PRSS48: variants seen among roughly 807,000 people sequenced by gnomAD.
PRSS48 encodes the protein epidermis-specific serine protease-like protein.
Under a neutral mutation model 25.6 loss-of-function variants are expected in PRSS48, and 21 were observed. The ratio of observed to expected loss-of-function variants is 0.82; its 90% confidence interval spans 0.58 to 1.18. PRSS48 has a LOEUF of 1.18. Ranked by LOEUF, PRSS48 falls within the 50% of genes most tolerant of loss-of-function variation. PRSS48 has a pLI of 0.00. For missense variants in PRSS48, 373 were observed against 399.3 expected (o/e 0.93, Z 0.56); for synonymous variants, 150 against 149.3 (o/e 1.00, Z -0.04).
chr4:151,283,098 T>C lies in PRSS48; in HGVS notation c.482-19T>C. On this transcript the variant is annotated intron_variant, in intron 3 of 4. Transcript: ENST00000455694. ...TTTTCTAGGTTGCTTTAATCTTTTG[T>C]TCCTGTCTTCCTCCACAGATAGAGA... The C allele has an allele frequency of 6.2e-7, 1 of 1,612,280 alleles. No individual in the cohort carries two copies. The highest frequency in any genetic ancestry group is 8.5e-7 in the Non-Finnish European group (1 of 1,178,760).
chr4:151,289,456 G>A (rs931161118), intron 4 of PRSS48, among the ~76,000 whole-genome samples: 5 of 152,130 alleles, frequency 3.3e-5, no homozygotes, highest in Admixed American at 1.3e-4. Flanking sequence ...TGAAACGGAA[G>A]AAAATATTTG....
At chr4:151,282,387 G>A in exon 3 of PRSS48, 1 of 1,613,878 alleles carries the variant, frequency 6.2e-7, no homozygotes, top group Non-Finnish European at 8.5e-7. Context: ...TGGGTGACCG[G>A]ATGGGGAAAA....
At chr4:151,282,053 C>T in intron 2 of PRSS48, 95 bp from the exon 3 acceptor site, 25 of 1,298,926 alleles carry the variant, frequency 1.9e-5, no homozygotes, top group Non-Finnish European at 2.6e-5. Context: ...AGTTGGCTAC[C>T]CTCCTTTCTT....
At chr4:151,287,131 A>C (rs1398751069) in intron 4 of PRSS48, among the ~76,000 whole-genome samples, 2 of 151,792 alleles carry the variant, frequency 1.3e-5, no homozygotes, top group Admixed American at 1.3e-4. Flanking sequence ...ACCTGATGTC[A>C]GGAGTTTGGG....
intron 1 of PRSS48, chr4:151,279,144 G>T: frequency 2.3e-6 from 1 of 430,568 alleles, no homozygotes; most frequent in Non-Finnish European, 4.6e-6. Context: ...CCCTGCAGCA[G>T]CATCTTGGCC....
chr4:151,280,030 A>G, intron 2 of PRSS48, 72 bp downstream of exon 2: 1 of 1,529,194 alleles, frequency 6.5e-7, no homozygotes, highest in Admixed American at 1.7e-5. Context: ...TGAATGAACC[A>G]AAAGACAAAT....
chr4:151,282,315 C>G (rs1774325235), exon 3 of PRSS48: 2 of 1,613,990 alleles, frequency 1.2e-6, no homozygotes, highest in African/African-American at 1.3e-5. Context: ...ACCTTCACTT[C>G]TGCCATCCTG....
intron 1 of PRSS48, 105 bp downstream of exon 1, chr4:151,277,329 G>C: frequency 1.1e-6 from 1 of 881,484 alleles, no homozygotes; most frequent in Non-Finnish European, 1.6e-6. Context: ...TTAGTTATGA[G>C]TAGCACAGCC....
intron 4 of PRSS48, among the ~76,000 whole-genome samples, chr4:151,288,916 T>C (rs1032149644): frequency 1.3e-5 from 2 of 152,146 alleles, no homozygotes; most frequent in African/African-American, 2.4e-5. Context: ...AAACTGCATA[T>C]GGAAATTCAA....
chr4:151,281,736 T>G (rs565752535), intron 2 of PRSS48, among the ~76,000 whole-genome samples: 2 of 152,180 alleles, frequency 1.3e-5, no homozygotes, highest in African/African-American at 4.8e-5. Flanking sequence ...TTTAACTGTG[T>G]ATATGTGTAA....
intron 4 of PRSS48, among the ~76,000 whole-genome samples, chr4:151,289,039 T>A (rs1284278152): frequency 6.6e-6 from 1 of 152,226 alleles, no homozygotes; most frequent in African/African-American, 2.4e-5. Flanking sequence ...GAGAGACATC[T>A]ATAGATCAAT....
chr4:151,277,235 G>C lies in PRSS48; in HGVS notation c.52+11G>C. 6.7e-7 allele frequency: 1 copy of C among 1,498,052 alleles called. No individual in the cohort carries two copies. Among genetic ancestry groups the C allele is most frequent in the Non-Finnish European group, 9.0e-7 (1 of 1,112,188 alleles). 92.8% of individuals were successfully genotyped at this position (1,498,052 alleles called of 1,614,324 possible). ...TGCTGGGGATCTCAGGTGAGCGCCA[G>C]GGTGGGGTTGAGAAGGCAGAGGCAG... On this transcript the variant is annotated intron_variant, in intron 1 of 4. Transcript: ENST00000455694.
At chr4:151,286,671 A>T (rs1006573071) in intron 4 of PRSS48, among the ~76,000 whole-genome samples, 1 of 151,416 alleles carries the variant, frequency 6.6e-6, no homozygotes, top group Non-Finnish European at 1.5e-5. Context: ...AATTCTACCA[A>T]ACATTTAAAT....
At position 151,291,100 on chromosome 4, in the gene PRSS48, C is replaced by G. The variant is rs770941698; in HGVS notation, c.652-18C>G. On this transcript the variant is annotated intron_variant, in intron 4 of 4. Transcript: ENST00000455694. The stretch of plus-strand genomic sequence containing the variant: ...TGCCTCTTTTCACTATGCTCATTAC[C>G]TTTCATTTCTTCCTTAGGGTGATTC... 2 of 1,579,218 alleles carry G rather than the reference C, an allele frequency of 1.3e-6. No homozygotes were observed. The highest frequency in any genetic ancestry group is 1.7e-5 in the Admixed American group (1 of 59,002).
chr4:151,284,960 T>C (rs773438328), intron 4 of PRSS48, among the ~76,000 whole-genome samples: 3 of 152,190 alleles, frequency 2.0e-5, no homozygotes, highest in Non-Finnish European at 4.4e-5. Flanking sequence ...TTCTGGTATA[T>C]TTCCCTGCAC....
chr4:151,291,172 G>A, exon 5 of PRSS48: 1 of 1,613,922 alleles, frequency 6.2e-7, no homozygotes, highest in Non-Finnish European at 8.5e-7. Context: ...GATCCAGACA[G>A]GAGTAGTAAG....
intron 2 of PRSS48, 87 bp from the exon 3 acceptor site, chr4:151,282,060 TC>T (rs1181156062): frequency 2.1e-6 from 3 of 1,397,886 alleles, no homozygotes; most frequent in Non-Finnish European, 3.0e-6. Flanking sequence ...TACCCTCCTT[TC>T]TTGAGTAGAG....
intron 4 of PRSS48, among the ~76,000 whole-genome samples, chr4:151,288,608 G>A (rs765987944): frequency 6.6e-5 from 10 of 151,682 alleles, no homozygotes; most frequent in Non-Finnish European, 1.2e-4. Flanking sequence ...CTTGCTGGGC[G>A]TAGTGAGCTG....
intron 4 of PRSS48, among the ~76,000 whole-genome samples, chr4:151,286,271 A>G (rs1252065162): frequency 6.6e-6 from 1 of 151,178 alleles, no homozygotes; most frequent in Non-Finnish European, 1.5e-5. Context: ...GAAATAGAGA[A>G]CAGAAAGACA....
Sources: allele counts gnomAD v4.1 joint callset (sites outside exome capture counted in the v4.1 genomes callset), GRCh38; gene constraint gnomAD v4.1.1; transcripts MANE v1.5; gene names NCBI Gene and HGNC (gene_info 2026-07-23, HGNC 2026-07-21).